Variants in VAT1L observed in about 807,000 individuals in gnomAD.
VAT1L encodes the protein putative NADPH-dependent quinone oxidoreductase VAT1L.
A neutral mutation model predicts 44.1 loss-of-function variants in VAT1L; 34 were observed. The observed-to-expected ratio is 0.77, with a 90% confidence interval of 0.59 to 1.03. The LOEUF is 1.03. VAT1L is among the 50% of genes least tolerant of loss of function. VAT1L has a pLI of 0.00. For missense variants in VAT1L, 615 were observed against 538.8 expected (o/e 1.14, Z -1.40); for synonymous variants, 253 against 202.2 (o/e 1.25, Z -2.13).
At chr16:77,817,803 T>A (rs977994940) in intron 2 of VAT1L, among the ~76,000 whole-genome samples, 1 of 152,160 alleles carries the variant, frequency 6.6e-6, no homozygotes, top group African/African-American at 2.4e-5. Flanking sequence ...CACAAGTCAA[T>A]TACACAAAAT....
intron 7 of VAT1L, among the ~76,000 whole-genome samples, chr16:77,900,650 G>A (rs1380689830): frequency 2.7e-5 from 4 of 150,028 alleles, no homozygotes; most frequent in Admixed American, 1.3e-4. Context: ...AGCTGAAATC[G>A]CGCCACTGCA....
At position 77,874,158 on chromosome 16, in the gene VAT1L, C is replaced by T. The variant is rs549180538; in HGVS notation, c.723-2212C>T. ...CATCATGGGTACAGCAGGAGGTATG[C>T]ATGGCCTAATATTGGTGAGGCTGCT... On this transcript the variant is annotated intron_variant, in intron 4 of 8. Transcript: ENST00000302536. Among the ~76,000 whole-genome samples the T allele has an allele frequency of 2.0e-5, 3 of 152,198 alleles. No homozygotes were observed. In the East Asian group the frequency reaches 5.8e-4, roughly 29 times the overall value.
At chr16:77,923,357 G>C (rs1204772918) in intron 7 of VAT1L, among the ~76,000 whole-genome samples, 1 of 134,712 alleles carries the variant, frequency 7.4e-6, no homozygotes, top group Non-Finnish European at 1.7e-5. Context: ...GGCTGAGGCA[G>C]GAGAATAGCT....
intron 8 of VAT1L, among the ~76,000 whole-genome samples, chr16:77,972,289 G>A (rs1400764678): frequency 2.0e-5 from 3 of 152,066 alleles, no homozygotes; most frequent in Non-Finnish European, 2.9e-5. Flanking sequence ...AGCTGCTTCC[G>A]AGATGCTCCC....
rs532906733 is a variant in VAT1L at position 77,918,622 on chromosome 16, G to T, written c.1077+33820G>T. On this transcript the variant is annotated intron_variant, in intron 7 of 8. Transcript: ENST00000302536. The stretch of plus-strand genomic sequence containing the variant: ...GCGACCCATTTGGCTGATCCATGCT[G>T]TAAGGAGGATGGAAAAATACCATCT... 3.9e-5 allele frequency among the ~76,000 whole-genome samples: 6 copies of T among 152,240 alleles called. No homozygotes were observed. In the South Asian group the frequency reaches 1.2e-3, roughly 32 times the overall value.
chr16:77,892,654 C>T, intron 7 of VAT1L: 1 of 710,036 alleles, frequency 1.4e-6, no homozygotes, highest in Non-Finnish European at 2.7e-6. Context: ...GCAACTCCAT[C>T]TATGGAGAGA....
At chr16:77,802,661 CACACACACT>C (rs1395765853) in intron 1 of VAT1L, among the ~76,000 whole-genome samples, 79 of 133,852 alleles carry the variant, frequency 5.9e-4, no homozygotes, top group South Asian at 1.8e-3. Context: ...CACACACACA[CACACACACT>C]AAAGTTGCAT....
intron 3 of VAT1L, among the ~76,000 whole-genome samples, chr16:77,839,284 C>T (rs188100238): frequency 1.3e-5 from 2 of 151,886 alleles, no homozygotes; most frequent in Non-Finnish European, 2.9e-5. Context: ...GCCTGTAATC[C>T]TAGCACTTTG....
chr16:77,969,945 G>T (rs949982869), intron 7 of VAT1L, among the ~76,000 whole-genome samples: 3 of 151,006 alleles, frequency 2.0e-5, no homozygotes, highest in African/African-American at 7.3e-5. Context: ...GGGCACAGTG[G>T]CTCATGCCTG....
At chr16:77,886,185 C>T (rs1169069488) in intron 7 of VAT1L, among the ~76,000 whole-genome samples, 1 of 152,136 alleles carries the variant, frequency 6.6e-6, no homozygotes. Flanking sequence ...ATTGTGCATG[C>T]CTTCTGCTGT....
intron 1 of VAT1L, among the ~76,000 whole-genome samples, chr16:77,793,309 G>T (rs2015868464): frequency 6.6e-6 from 1 of 152,022 alleles, no homozygotes; most frequent in South Asian, 2.1e-4. Flanking sequence ...TGTCGAGACA[G>T]AGTCTATGTT....
chr16:77,856,090 G>C (rs12447349), intron 3 of VAT1L, among the ~76,000 whole-genome samples: 1 of 152,090 alleles, frequency 6.6e-6, no homozygotes, highest in African/African-American at 2.4e-5. Flanking sequence ...CAGAGAGGCT[G>C]AGATTCAAAG....
At position 77,879,069 on chromosome 16, in the gene VAT1L, T is replaced by C. The variant is rs3751767; in HGVS notation, c.827-100T>C. ...CTTAATTAAATTTGTTTTCAAGATT[T>C]CTCCAGTTCCGGACCAAACAATTGC... is the stretch of plus-strand genomic sequence containing the variant. On this transcript the variant is annotated intron_variant, in intron 5 of 8. Transcript: ENST00000302536. The surrounding 1 kb of genome is among the most constrained non-coding windows in gnomAD (Gnocchi z 4.1). 0.34 allele frequency: 403,493 copies of C among 1,177,648 alleles called. 71,358 individuals are homozygous for C. The highest frequency in any genetic ancestry group is 0.47 in the East Asian group (19,881 of 42,214). 72.9% of individuals were successfully genotyped at this position (1,177,648 alleles called of 1,614,324 possible). A position where few individuals can be genotyped will look rare whatever the true frequency, so the allele number is the denominator to read the frequency against.
chr16:77,897,952 C>T (rs1295835796), intron 7 of VAT1L, among the ~76,000 whole-genome samples: 3 of 152,340 alleles, frequency 2.0e-5, no homozygotes, highest in Non-Finnish European at 2.9e-5. Flanking sequence ...GGGGCTTACA[C>T]AACAGAAATG....
intron 7 of VAT1L, among the ~76,000 whole-genome samples, chr16:77,885,376 G>A (rs1372414548): frequency 2.0e-5 from 3 of 152,116 alleles, no homozygotes; most frequent in South Asian, 2.1e-4. Context: ...ATGGAGCCTC[G>A]AAGGATACTG....
chr16:77,851,864 G>C (rs995610997), intron 3 of VAT1L, among the ~76,000 whole-genome samples: 3 of 152,206 alleles, frequency 2.0e-5, no homozygotes, highest in East Asian at 1.9e-4. Context: ...CCATATTGTC[G>C]TGTTTCCCCA....
At chr16:77,953,671 C>T (rs2018070526) in intron 7 of VAT1L, among the ~76,000 whole-genome samples, 2 of 152,066 alleles carry the variant, frequency 1.3e-5, no homozygotes, top group Non-Finnish European at 2.9e-5. Flanking sequence ...ATTACAGGTG[C>T]GTGCCACCAC....
At chr16:77,868,707 T>C (rs2017000593) in intron 4 of VAT1L, among the ~76,000 whole-genome samples, 1 of 152,116 alleles carries the variant, frequency 6.6e-6, no homozygotes, top group Non-Finnish European at 1.5e-5. Context: ...CCAGATTGCC[T>C]GTATTAAAGC....
intron 2 of VAT1L, among the ~76,000 whole-genome samples, chr16:77,818,653 G>C (rs1443948448): frequency 6.6e-6 from 1 of 152,142 alleles, no homozygotes; most frequent in Non-Finnish European, 1.5e-5. Flanking sequence ...TACTATACTT[G>C]ATTATGTATA....
Sources: gnomAD v4.1 joint callset for allele counts (sites outside exome capture counted in the v4.1 genomes callset) on GRCh38, gnomAD v4.1.1 for gene constraint, Gnocchi (gnomAD v3.1) non-coding constraint, MANE v1.5 for transcripts, NCBI Gene and HGNC (gene_info 2026-07-23, HGNC 2026-07-21) for gene names.